CYGB: variants seen among roughly 807,000 people sequenced by gnomAD.
The protein encoded by CYGB is histoglobin.
In CYGB, 13 loss-of-function variants were observed where a neutral mutation model predicts 20.7. That is an observed-to-expected ratio of 0.63 (90% confidence interval 0.41 to 1.00). The LOEUF (loss-of-function observed/expected upper bound fraction) is 1.00, where lower values mean the gene tolerates loss of function less well. Ranked by LOEUF, CYGB falls within the 50% of genes least tolerant of loss-of-function variation. The probability of loss-of-function intolerance (pLI) is 0.00; values close to 1 mark genes in which losing one functional copy is unlikely to be tolerated. For synonymous variants in CYGB, 93 were observed against 107.4 expected (o/e 0.87, Z 0.83); for missense variants, 218 against 257.2 (o/e 0.85, Z 1.04).
At position 76,528,669 on chromosome 17, in the gene CYGB, G is replaced by T; in HGVS notation, c.540-58C>A. ...TTACCAGAGGCAGGGAAGGACCCTC[G>T]GGGGAAAGGGGGAGGACCTGGGGCT... On this transcript the variant is annotated intron_variant, in intron 3 of 3. Transcript: ENST00000293230. The surrounding 1 kb of genome is among the most constrained non-coding windows in gnomAD (Gnocchi z 5.8). 1 of 1,241,038 alleles carries T rather than the reference G, an allele frequency of 8.1e-7. No individual in the cohort carries two copies. Among genetic ancestry groups the T allele is most frequent in the South Asian group, 4.0e-5 (1 of 25,142 alleles). 76.9% of individuals were successfully genotyped at this position (1,241,038 alleles called of 1,614,324 possible). A position where few individuals can be genotyped will look rare whatever the true frequency, so the allele number is the denominator to read the frequency against.
Position 76,530,186 on chromosome 17 carries a change from C to T in CYGB, c.539+793G>A, listed in dbSNP as rs928866940. ...GACCTCTGCTTCCCATTCCCGCCTC[C>T]GCTCCTCTCCTCCTTCCTACTCCAG... On this transcript the variant is annotated intron_variant, in intron 3 of 3. Transcript: ENST00000293230. The surrounding 1 kb of genome is among the most constrained non-coding windows in gnomAD (Gnocchi z 6.1). Among the ~76,000 whole-genome samples, 5 of 152,164 alleles carry T rather than the reference C, an allele frequency of 3.3e-5. No homozygotes were observed. The highest frequency in any genetic ancestry group is 5.9e-5 in the Non-Finnish European group (4 of 68,032).
chr17:76,540,114 G>C, upstream of CYGB: 1 of 1,588,572 alleles, frequency 6.3e-7, no homozygotes, highest in Non-Finnish European at 8.6e-7. This position sits in a 1 kb window ranked among gnomAD's most constrained non-coding sequence, Gnocchi z 5.0. Context: ...TGCAGACTTG[G>C]CCTGGGAGGG....
At chr17:76,540,708 G>A, upstream of CYGB, 1 of 856,482 alleles carries the variant, frequency 1.2e-6, no homozygotes, top group Non-Finnish European at 1.9e-6. This position sits in a 1 kb window ranked among gnomAD's most constrained non-coding sequence, Gnocchi z 5.0. Flanking sequence ...TAAGCACCCT[G>A]CTCCCTGTCC....
Position 76,530,141 on chromosome 17 carries a change from C to A in CYGB, c.539+838G>T, listed in dbSNP as rs572295893. 1.7e-4 allele frequency: 165 copies of A among 956,138 alleles called. No individual in the cohort carries two copies. The highest frequency in any genetic ancestry group is 2.0e-4 in the Non-Finnish European group (163 of 803,196). 59.2% of individuals were successfully genotyped at this position (956,138 alleles called of 1,614,324 possible). A position where few individuals can be genotyped will look rare whatever the true frequency, so the allele number is the denominator to read the frequency against. On this transcript the variant is annotated intron_variant, in intron 3 of 3. Coordinates refer to ENST00000293230, the MANE Select transcript of CYGB (RefSeq NM_134268.5). The surrounding 1 kb of genome is among the most constrained non-coding windows in gnomAD (Gnocchi z 6.1). ...ACCACGGGAATGTTTCTCTACCACG[C>A]GTGTCCCGGGCTGCTGGCTGACCTC...
intron 1 of CYGB, among the ~76,000 whole-genome samples, chr17:76,549,480 G>GT (rs1486652188): frequency 6.6e-6 from 1 of 152,212 alleles, no homozygotes; most frequent in Admixed American, 6.5e-5. Flanking sequence ...GCCGACCATA[G>GT]TAAGTACTGT....
intron 1 of CYGB, chr17:76,543,811 G>A (rs2075020202): frequency 8.5e-6 from 4 of 470,934 alleles, no homozygotes; most frequent in South Asian, 6.2e-5. Flanking sequence ...AGTTCCCAGA[G>A]CTCATCCTGT....
intron 1 of CYGB, chr17:76,544,595 C>G (rs1267080847): frequency 2.2e-6 from 1 of 456,746 alleles, no homozygotes; most frequent in East Asian, 6.9e-5. Context: ...CAGCCTGACC[C>G]AGGCCGTGAG....
chr17:76,550,246 G>T (rs1243587793), intron 1 of CYGB: 2 of 149,912 alleles, frequency 1.3e-5, no homozygotes, highest in African/African-American at 4.9e-5. Flanking sequence ...GTGAGCCACC[G>T]TGCCCAGCCT....
chr17:76,549,087 C>A (rs562501584), intron 1 of CYGB, among the ~76,000 whole-genome samples: 4 of 152,290 alleles, frequency 2.6e-5, no homozygotes, highest in African/African-American at 9.6e-5. Context: ...GTCCTTTCAA[C>A]AGGATACAAA....
At position 76,548,087 on chromosome 17, in the gene CYGB, T is replaced by TA. The variant is rs990497894; in HGVS notation, c.-53+2774dup. ...ACAGACATACATGTACACACACAAA[T>TA]AAAACAGACACACAGAAACACACAC... is the stretch of plus-strand genomic sequence containing the variant. On this transcript the variant is annotated intron_variant, in intron 1 of 3. Coordinates refer to the CYGB transcript ENST00000589145. Among the ~76,000 whole-genome samples the TA allele has an allele frequency of 4.7e-3, 704 of 148,962 alleles. 3 individuals are homozygous for TA. Among genetic ancestry groups the TA allele is most frequent in the African/African-American group, 0.016 (664 of 40,398 alleles).
upstream of CYGB, among the ~76,000 whole-genome samples, chr17:76,538,947 G>A (rs1026550019): frequency 6.6e-6 from 1 of 152,234 alleles, no homozygotes; most frequent in African/African-American, 2.4e-5. Flanking sequence ...CTTAAAATCC[G>A]ACTTTAAGGT....
At chr17:76,549,538 C>A (rs2075087430) in intron 1 of CYGB, among the ~76,000 whole-genome samples, 1 of 152,200 alleles carries the variant, frequency 6.6e-6, no homozygotes. Flanking sequence ...TGAAGTGTTA[C>A]AACCACTTGG....
In CYGB at chr17:76,533,385, C is replaced by T. The variant is rs2074871448; in HGVS notation, c.144-1694G>A. ...ACAAATGTGAAAAACCCAATTTGGA[C>T]TTAAACAAGCATCTCAGACTTTGGA... On this transcript the variant is annotated intron_variant, in intron 1 of 3. Coordinates refer to ENST00000293230, the MANE Select transcript of CYGB (RefSeq NM_134268.5). This position sits in a 1 kb window ranked among gnomAD's most constrained non-coding sequence, Gnocchi z 4.5. Among the ~76,000 whole-genome samples the T allele has an allele frequency of 6.6e-6, 1 of 152,198 alleles. No individual in the cohort carries two copies. Among genetic ancestry groups the T allele is most frequent in the African/African-American group, 2.4e-5 (1 of 41,444 alleles).
Position 76,534,000 on chromosome 17 carries a change from C to G in CYGB, c.144-2309G>C, listed in dbSNP as rs950410483. Among the ~76,000 whole-genome samples, 1 of 151,406 alleles carries G rather than the reference C, an allele frequency of 6.6e-6. No homozygotes were observed. Among genetic ancestry groups the G allele is most frequent in the Non-Finnish European group, 1.5e-5 (1 of 67,872 alleles). On this transcript the variant is annotated intron_variant, in intron 1 of 3. Coordinates refer to ENST00000293230, the MANE Select transcript of CYGB (RefSeq NM_134268.5). The surrounding 1 kb of genome is among the most constrained non-coding windows in gnomAD (Gnocchi z 4.5). ...CTGCCATGAGCCATGATGGCGCCAC[C>G]GTACTCCAGCTTGGGTGACAGAGCA...
In CYGB at chr17:76,528,542, G is replaced by A. The variant is rs1454095104; in HGVS notation, c.*36C>T. On this transcript the variant is annotated 3_prime_UTR_variant, in exon 4 of 4. Transcript: ENST00000293230. This position sits in a 1 kb window ranked among gnomAD's most constrained non-coding sequence, Gnocchi z 5.8. ...GTCTTCAGAACTCGGCCTTCTGCTC[G>A]AGGTGCTGCCAGGGAGGGGGGTGGA... The A allele has an allele frequency of 5.4e-6, 7 of 1,287,720 alleles. No individual in the cohort carries two copies. Among genetic ancestry groups the A allele is most frequent in the African/African-American group, 1.5e-5 (1 of 65,072 alleles). The allele number at this position is 1,287,720 out of a possible 1,614,324, so 79.8% of individuals were successfully genotyped here.
At chr17:76,529,991 G>T (rs1478882476) in intron 3 of CYGB, 1 of 985,270 alleles carries the variant, frequency 1.0e-6, no homozygotes, top group Non-Finnish European at 1.2e-6. Flanking sequence ...GTCCCCAGCT[G>T]CCCTCAGGGG....
In CYGB at chr17:76,528,217, G is replaced by A. The variant is rs2074789916; in HGVS notation, c.*361C>T. 1 of 398,214 alleles carries A rather than the reference G, an allele frequency of 2.5e-6. No individual in the cohort carries two copies. Among genetic ancestry groups the A allele is most frequent in the Admixed American group, 4.4e-5 (1 of 22,786 alleles). The allele number at this position is 398,214 out of a possible 1,614,324, so 24.7% of individuals were successfully genotyped here. ...TGCGTGATACTCTAGATGGTGATGTGGAGACCTGCATGCTGGCCGGGCTGA... is the reference window on the plus strand; with the variant it reads ...TGCGTGATACTCTAGATGGTGATGTAGAGACCTGCATGCTGGCCGGGCTGA... On this transcript the variant is annotated 3_prime_UTR_variant, in exon 4 of 4. Transcript: ENST00000293230. This position sits in a 1 kb window ranked among gnomAD's most constrained non-coding sequence, Gnocchi z 5.8.
upstream of CYGB, chr17:76,538,307 G>A (rs2074946684): frequency 3.9e-6 from 1 of 258,514 alleles, no homozygotes; most frequent in Non-Finnish European, 7.9e-6. Flanking sequence ...GGCTCTGGAC[G>A]CCCAGGCTCT....
chr17:76,549,682 C>T (rs1167335197), intron 1 of CYGB, among the ~76,000 whole-genome samples: 4 of 152,188 alleles, frequency 2.6e-5, no homozygotes, highest in Middle Eastern at 3.2e-3. Flanking sequence ...AAATATTCCT[C>T]GACGTGGGAA....
Sources: gnomAD v4.1 joint callset for allele counts (sites outside exome capture counted in the v4.1 genomes callset) on GRCh38, gnomAD v4.1.1 for gene constraint, Gnocchi (gnomAD v3.1) non-coding constraint, MANE v1.5 for transcripts, NCBI Gene and HGNC (gene_info 2026-07-23, HGNC 2026-07-21) for gene names.